The following SIGLEC1 variants were observed in gnomAD, a reference collection of about 807,000 sequenced individuals.
The protein encoded by SIGLEC1 is sialoadhesin.
A neutral mutation model predicts 148.0 loss-of-function variants in SIGLEC1; 132 were observed. The observed-to-expected ratio is 0.89, with a 90% CI of 0.77 to 1.03. The LOEUF (loss-of-function observed/expected upper bound fraction) is 1.03, where lower values mean the gene tolerates loss of function less well. Ranked by LOEUF, SIGLEC1 falls within the 50% of genes least tolerant of loss-of-function variation. The pLI, the probability that SIGLEC1 is intolerant of heterozygous loss-of-function variation, is 0.00. For missense variants in SIGLEC1, 2,253 were observed against 2,271.4 expected, an observed-to-expected ratio of 0.99 and a Z score of 0.16; for synonymous variants, 945 against 969.0, an observed-to-expected ratio of 0.98 and a Z score of 0.46.
At chr20:3,700,636 A>G (rs6139180) in intron 7 of SIGLEC1, among the ~76,000 whole-genome samples, 14,324 of 151,606 alleles carry the variant, frequency 0.094, 919 homozygotes, top group East Asian at 0.33. Flanking sequence ...TGCCCTCAGG[A>G]GGAGGGAAGG....
intron 21 of SIGLEC1, 75 bp from the exon 22 acceptor site, chr20:3,688,694 T>C: frequency 8.2e-7 from 1 of 1,214,684 alleles, no homozygotes; most frequent in South Asian, 1.5e-5. Flanking sequence ...CAGCCTCAGG[T>C]GGGGTCCCAA....
rs1164232926 is a variant in SIGLEC1, at chr20:3,687,098, A to AC, written c.*1461dup. ...GTGCGGCCTCGGCTACACAAAGTTC[A>AC]CCCGCCCCCAACTGCCTCCCAGCGT... On this transcript the variant is annotated 3_prime_UTR_variant, in exon 22 of 22. Transcript: ENST00000344754. 1 of 118,182 alleles carries AC rather than the reference A, an allele frequency of 8.5e-6. No individual in the cohort carries two copies. The highest frequency in any genetic ancestry group is 3.4e-5 in the African/African-American group (1 of 29,036). The allele number at this position is 118,182 out of a possible 1,614,324, so 7.3% of individuals were successfully genotyped here.
intron 1 of SIGLEC1, among the ~76,000 whole-genome samples, chr20:3,711,772 C>G (rs1026832287): frequency 6.6e-6 from 1 of 152,230 alleles, no homozygotes; most frequent in Non-Finnish European, 1.5e-5. Flanking sequence ...TAATCTGGCT[C>G]TAAATGCTTC....
chr20:3,688,597 G>A lies in SIGLEC1; in HGVS notation c.5093C>T (p.Thr1698Ile). Residue 1698 changes from threonine to isoleucine, a missense_variant, in exon 22 of 22, where the codon ACA becomes ATA. By Grantham distance (89) the Thr-to-Ile change is moderately conservative. Coordinates refer to ENST00000344754, the MANE Select transcript of SIGLEC1 (RefSeq NM_023068.4). ...TTQLIDPDAA[T>I]CETSTCAPPL... Reference sequence around the variant, plus strand: ...TGGGGCACAGGTTGAGGTCTCACATGTGGCTGCATCAGGATCAATGAGCTT... The same window carrying A: ...TGGGGCACAGGTTGAGGTCTCACATATGGCTGCATCAGGATCAATGAGCTT... The A allele has an allele frequency of 6.2e-7, 1 of 1,603,252 alleles. No homozygotes were observed. The highest frequency in any genetic ancestry group is 8.5e-7 in the Non-Finnish European group (1 of 1,174,606).
At chr20:3,704,428 C>T (rs2087877917) in intron 4 of SIGLEC1, among the ~76,000 whole-genome samples, 1 of 152,174 alleles carries the variant, frequency 6.6e-6, no homozygotes. Flanking sequence ...TCATGGGTAC[C>T]CCACTGCTAG....
In SIGLEC1 at chr20:3,697,313, T is replaced by A; in HGVS notation, c.2152A>T (p.Thr718Ser). 6.2e-7 allele frequency: 1 copy of A among 1,613,620 alleles called. No individual in the cohort carries two copies. ...ATVLAIAPSH[T>S]LQEGTEANLT... The stretch of plus-strand genomic sequence containing the variant: ...TTGGCTTCTGTGCCCTCCTGAAGTG[T>A]GTGTGATGGTGCAATGGCCAGGACA... Residue 718 changes from threonine to serine, a missense_variant, in exon 10 of 22, where the codon ACA (threonine) becomes TCA (serine). By Grantham distance (58) the Thr-to-Ser change is moderately conservative. Transcript: ENST00000344754.
chr20:3,700,265 G>T (rs2087840310), intron 7 of SIGLEC1, among the ~76,000 whole-genome samples: 1 of 151,040 alleles, frequency 6.6e-6, no homozygotes, highest in Non-Finnish European at 1.5e-5. Context: ...CCACAGGTGT[G>T]CGCCACCACA....
At chr20:3,712,053 G>A (rs375846515) in intron 1 of SIGLEC1, among the ~76,000 whole-genome samples, 195 of 152,140 alleles carry the variant, frequency 1.3e-3, no homozygotes, top group Non-Finnish European at 2.3e-3. Flanking sequence ...GTTAAGATAC[G>A]GTGGAGGCTG....
chr20:3,712,315 G>C (rs970139111), intron 1 of SIGLEC1, among the ~76,000 whole-genome samples, 155 bp downstream of exon 1: 2 of 151,866 alleles, frequency 1.3e-5, no homozygotes, highest in African/African-American at 4.8e-5. Context: ...TCTTTGATTA[G>C]TGTCTTGGAC....
At position 3,706,709 on chromosome 20, in the gene SIGLEC1, G is replaced by C. The variant is rs1360383380; in HGVS notation, c.50-3C>G. The C allele has an allele frequency of 4.6e-6, 7 of 1,535,184 alleles. No homozygotes were observed. Among genetic ancestry groups the C allele is most frequent in the Non-Finnish European group, 6.2e-6 (7 of 1,134,920 alleles). On this transcript the variant is annotated splice_region_variant and splice_polypyrimidine_tract_variant and intron_variant, in intron 2 of 21. Transcript: ENST00000344754. ...GGAGACGCCCCATGAGGCCTGGCCT[G>C]GGGGAAGAACGGCAGGGGGACAGAG... is the stretch of plus-strand genomic sequence containing the variant.
At position 3,692,767 on chromosome 20, in the gene SIGLEC1, G is replaced by A. The variant is rs749845719; in HGVS notation, c.3784C>T (p.Arg1262Trp). The A allele has an allele frequency of 1.8e-5, 29 of 1,608,550 alleles. No homozygotes were observed. The highest frequency in any genetic ancestry group is 1.5e-4 in the African/African-American group (11 of 74,898). ...TSLELRLEGVRVILAPEAAVP... is the reference protein window; with the variant it reads ...TSLELRLEGVWVILAPEAAVP... ...GCAGCCTCCGGAGCCAGGATCACCCGCACACCTGTGCCAAGGAGGCCAGGA... is the reference window on the plus strand; with the variant it reads ...GCAGCCTCCGGAGCCAGGATCACCCACACACCTGTGCCAAGGAGGCCAGGA... Residue 1262 changes from arginine (R) to tryptophan (W), a missense_variant, in exon 16 of 22, where the codon CGG becomes TGG. Arg to Trp is a moderately radical substitution (Grantham distance 101). Coordinates refer to ENST00000344754, the MANE Select transcript of SIGLEC1 (RefSeq NM_023068.4).
Position 3,696,900 on chromosome 20 carries a change from G to C in SIGLEC1, c.2381-12C>G. On this transcript the variant is annotated splice_polypyrimidine_tract_variant and intron_variant, in intron 10 of 21. Transcript: ENST00000344754. ...ACGGTCCGGGGGATCTGCAGGAACA[G>C]AGGGAGCTGAGGCCACCCAGCCTAG... 1 of 1,542,032 alleles carries C rather than the reference G, an allele frequency of 6.5e-7. No homozygotes were observed. The highest frequency in any genetic ancestry group is 8.7e-7 in the Non-Finnish European group (1 of 1,147,418).
chr20:3,704,103 A>G lies in SIGLEC1; in HGVS notation c.707-12T>C. ...ACCCTTGGGGGCATCTGCAAGTCAC[A>G]GTAGGGGGTATTGGGTAAGGTGCTT... On this transcript the variant is annotated splice_polypyrimidine_tract_variant and intron_variant, in intron 4 of 21. Transcript: ENST00000344754. 2 of 1,608,536 alleles carry G rather than the reference A, an allele frequency of 1.2e-6. No individual in the cohort carries two copies. Among genetic ancestry groups the G allele is most frequent in the South Asian group, 1.1e-5 (1 of 90,734 alleles).
In SIGLEC1 at chr20:3,699,553, A is replaced by T. The variant is rs113879758; in HGVS notation, c.1529-94T>A. The T allele has an allele frequency of 6.2e-3, 9,088 of 1,474,784 alleles. 37 individuals are homozygous for T. Among genetic ancestry groups the T allele is most frequent in the Non-Finnish European group, 6.7e-3 (7,315 of 1,095,490 alleles). 91.4% of individuals were successfully genotyped at this position (1,474,784 alleles called of 1,614,324 possible). On this transcript the variant is annotated intron_variant, in intron 7 of 21. Transcript: ENST00000344754. ...CCTTCCAGGGTTCTCCTTTCCCCAC[A>T]CTACTGTAGGTAGCTCTGGGCTTTG...
At chr20:3,707,728 C>T (rs753386852) in intron 1 of SIGLEC1, among the ~76,000 whole-genome samples, 3 of 152,206 alleles carry the variant, frequency 2.0e-5, no homozygotes, top group East Asian at 1.9e-4. Context: ...CCCCATTGCC[C>T]GTGAGATGTG....
In SIGLEC1 at chr20:3,699,287, G is replaced by A; in HGVS notation, c.1701C>T (p.Ser567=). 6.2e-7 allele frequency: 1 copy of A among 1,608,540 alleles called. No homozygotes were observed. The highest frequency in any genetic ancestry group is 2.2e-5 in the East Asian group (1 of 44,702). ...GGCAGTGGTATGAGCCGGCGTCAGT[G>A]CTGGAGGCCGCGGGGAGCAGGAGGC... ...GSSLLLPAAS[S]TDAGSYHCRA... is the part of the protein sequence containing the mutation. The change falls in exon 8 of 22, where the codon AGC becomes AGT. Residue 567 remains serine (S), a synonymous_variant. Coordinates refer to ENST00000344754, the MANE Select transcript of SIGLEC1 (RefSeq NM_023068.4).
At position 3,701,971 on chromosome 20, in the gene SIGLEC1, GAC is replaced by G. The variant is rs538598862; in HGVS notation, c.1229-332_1229-331del. 1.3e-3 allele frequency among the ~76,000 whole-genome samples: 197 copies of G among 152,310 alleles called. 1 individual carries two copies. The highest frequency in any genetic ancestry group is 4.5e-3 in the African/African-American group (189 of 41,566). The stretch of plus-strand genomic sequence containing the variant: ...AGCATCATCAGCAATGGGACAAGCT[GAC>G]ACAGAGTGCCTCCTGACAGGGCAGA... On this transcript the variant is annotated intron_variant, in intron 6 of 21. Coordinates refer to ENST00000344754, the MANE Select transcript of SIGLEC1 (RefSeq NM_023068.4).
chr20:3,698,071 C>A lies in SIGLEC1; in HGVS notation c.1849G>T (p.Gly617Ter). ...CGGCACAAAAGGAGGCCTCGCCGTC[C>A]AGCCCCGGCCCCAGCGGCATCAAGG... is the stretch of plus-strand genomic sequence containing the variant. ...LDLDAAGAGA[G>*]RRGLLLCRVD... The change falls in exon 9 of 22, where the codon GGA becomes TGA. Residue 617 changes from glycine (G) to a stop codon, truncating the protein, a stop_gained. Transcript: ENST00000344754. LOFTEE classifies it high-confidence loss of function. 6.2e-7 allele frequency: 1 copy of A among 1,609,202 alleles called. No individual in the cohort carries two copies. Among genetic ancestry groups the A allele is most frequent in the Non-Finnish European group, 8.5e-7 (1 of 1,178,716 alleles).
chr20:3,692,473 T>A, intron 16 of SIGLEC1, 48 bp downstream of exon 16: 1 of 1,530,988 alleles, frequency 6.5e-7, no homozygotes, highest in Non-Finnish European at 8.7e-7. Flanking sequence ...AGAAGCACCC[T>A]CCACCACCCT....
Sources: gnomAD v4.1 joint callset for allele counts (sites outside exome capture counted in the v4.1 genomes callset) on GRCh38, gnomAD v4.1.1 for gene constraint, MANE v1.5 for transcripts, NCBI Gene and HGNC (gene_info 2026-07-23, HGNC 2026-07-21) for gene names.